Variants in BCAR3 observed in about 807,000 individuals in gnomAD.
BCAR3 encodes the protein BCAR3 adaptor protein, NSP family member, also known as breast cancer anti-estrogen resistance protein 3.
Under a neutral mutation model 80.1 loss-of-function variants are expected in BCAR3, and 37 were observed. That is an observed-to-expected ratio of 0.46 (90% CI 0.36 to 0.61). The LOEUF (loss-of-function observed/expected upper bound fraction) is 0.61. Among genes scored for constraint, BCAR3 ranks in the 20% least tolerant of loss-of-function variants. The pLI, the probability that BCAR3 is intolerant of heterozygous loss-of-function variation, is 0.00. For synonymous variants in BCAR3, 389 were observed against 418.9 expected (o/e 0.93, Z 0.87); for missense variants, 978 against 1,068.2 (o/e 0.92, Z 1.18).
At chr1:93,701,443 G>A (rs1375434458) in intron 3 of BCAR3, among the ~76,000 whole-genome samples, 1 of 152,190 alleles carries the variant, frequency 6.6e-6, no homozygotes, top group Admixed American at 6.5e-5. Context: ...CATGTGCATC[G>A]GTCTGTTGGG....
chr1:93,577,878 C>T (rs951749762), intron 7 of BCAR3, among the ~76,000 whole-genome samples: 4 of 152,180 alleles, frequency 2.6e-5, no homozygotes, highest in South Asian at 2.1e-4. Flanking sequence ...GTCTGCATTT[C>T]GTCGGCACAT....
chr1:93,645,389 T>G (rs1180186283), intron 2 of BCAR3, among the ~76,000 whole-genome samples: 1 of 152,168 alleles, frequency 6.6e-6, no homozygotes, highest in Non-Finnish European at 1.5e-5. Context: ...CCAGAGTTTA[T>G]GTAAAATAGA....
chr1:93,747,854 A>G (rs1571093242), intron 2 of BCAR3, among the ~76,000 whole-genome samples: 1 of 151,500 alleles, frequency 6.6e-6, no homozygotes, highest in South Asian at 2.1e-4. Flanking sequence ...TTTCCTGTAC[A>G]TGCCACACTG....
chr1:93,718,992 A>ACGCCCAGC, intron 2 of BCAR3, among the ~76,000 whole-genome samples: 1 of 151,876 alleles, frequency 6.6e-6, no homozygotes, highest in South Asian at 2.1e-4. Flanking sequence ...GTGAGCCATG[A>ACGCCCAGC]CGCCCAGCTG....
intron 2 of BCAR3, among the ~76,000 whole-genome samples, chr1:93,819,581 C>A (rs943177976): frequency 1.3e-5 from 2 of 152,162 alleles, no homozygotes; most frequent in Non-Finnish European, 2.9e-5. Context: ...AACAAACTTA[C>A]TACTTGAAAG....
At chr1:93,784,120 T>C (rs148974609) in intron 2 of BCAR3, among the ~76,000 whole-genome samples, 231 of 151,784 alleles carry the variant, frequency 1.5e-3, no homozygotes, top group African/African-American at 5.2e-3. Flanking sequence ...CAGCCCTCAG[T>C]TGAGCCGCAT....
At chr1:93,796,970 G>A (rs954555189) in intron 2 of BCAR3, among the ~76,000 whole-genome samples, 4 of 152,180 alleles carry the variant, frequency 2.6e-5, no homozygotes, top group Admixed American at 2.6e-4. Context: ...TCTGGTTACT[G>A]TATATGTGGG....
chr1:93,756,690 G>A (rs941357975), intron 2 of BCAR3, among the ~76,000 whole-genome samples: 2 of 152,156 alleles, frequency 1.3e-5, no homozygotes, highest in African/African-American at 4.8e-5. Context: ...GTTCCTAAGA[G>A]GCAATATTCC....
chr1:93,733,422 G>T (rs1020630770), intron 2 of BCAR3, among the ~76,000 whole-genome samples: 1 of 152,182 alleles, frequency 6.6e-6, no homozygotes, highest in African/African-American at 2.4e-5. Flanking sequence ...ACAGGAAGCC[G>T]GTGTTCAGGA....
intron 3 of BCAR3, among the ~76,000 whole-genome samples, chr1:93,624,426 A>G (rs1178583167): frequency 6.6e-6 from 1 of 152,224 alleles, no homozygotes; most frequent in Non-Finnish European, 1.5e-5. Context: ...GACAGTCCTT[A>G]GGTGGACATG....
At chr1:93,567,202 G>T in intron 11 of BCAR3, 77 bp downstream of exon 11, 1 of 1,527,538 alleles carries the variant, frequency 6.5e-7, no homozygotes, top group Non-Finnish European at 9.0e-7. Context: ...TCTAAGTGAA[G>T]TCAGCCATGC....
intron 2 of BCAR3, among the ~76,000 whole-genome samples, chr1:93,790,279 T>C (rs531457993): frequency 6.6e-6 from 1 of 152,232 alleles, no homozygotes; most frequent in East Asian, 1.9e-4. Context: ...TGAACATACA[T>C]TTTGATAGTT....
At chr1:93,646,035 T>A (rs1392191121) in intron 2 of BCAR3, among the ~76,000 whole-genome samples, 2 of 152,132 alleles carry the variant, frequency 1.3e-5, no homozygotes, top group Admixed American at 6.5e-5. Flanking sequence ...AATACCTCTA[T>A]GTATTTATAC....
chr1:93,575,426 A>G (rs908794267), intron 8 of BCAR3, among the ~76,000 whole-genome samples: 1 of 152,178 alleles, frequency 6.6e-6, no homozygotes, highest in Admixed American at 6.5e-5. Context: ...ATTCCTAAAC[A>G]TTCCATTTCA....
At chr1:93,847,088 AGGCCGCTCGGCCTC>A (rs1230412100) in exon 1 of BCAR3, 1 of 247,850 alleles carries the variant, frequency 4.0e-6, no homozygotes, top group Non-Finnish European at 8.4e-6. Flanking sequence ...GCCCGAGGGG[AGGCCGCTCGGCCTC>A]GGCCGCTCAC....
chr1:93,830,747 A>G (rs974057206), intron 2 of BCAR3, among the ~76,000 whole-genome samples: 17 of 152,106 alleles, frequency 1.1e-4, no homozygotes, highest in African/African-American at 4.1e-4. Context: ...CGTGCGTCAC[A>G]TTTGGTGCCA....
chr1:93,846,735 C>G, intron 1 of BCAR3: 1 of 381,920 alleles, frequency 2.6e-6, no homozygotes, highest in Admixed American at 3.8e-5. Flanking sequence ...CCCACGCAGT[C>G]GCGGGCCCCG....
At chr1:93,668,250 T>A (rs1005814131) in intron 2 of BCAR3, among the ~76,000 whole-genome samples, 3 of 152,208 alleles carry the variant, frequency 2.0e-5, no homozygotes, top group African/African-American at 7.2e-5. Flanking sequence ...GTTAACAATT[T>A]TTTTTTGCCC....
intron 2 of BCAR3, among the ~76,000 whole-genome samples, chr1:93,784,740 C>T (rs1029699138): frequency 5.9e-5 from 9 of 152,214 alleles, no homozygotes; most frequent in African/African-American, 2.2e-4. Flanking sequence ...TTTGAAAGGA[C>T]AAAGCGAGCA....
Sources: allele counts gnomAD v4.1 joint callset (sites outside exome capture counted in the v4.1 genomes callset), GRCh38; gene constraint gnomAD v4.1.1; transcripts MANE v1.5; gene names NCBI Gene and HGNC (gene_info 2026-07-23, HGNC 2026-07-21).